RAP1GDS1: variants seen among roughly 807,000 people sequenced by gnomAD.
RAP1GDS1 encodes the protein RAP1, GTP-GDP dissociation stimulator 1.
In RAP1GDS1, 35 loss-of-function variants were observed where a neutral mutation model predicts 71.1. That is an observed-to-expected ratio of 0.49 (90% CI 0.38 to 0.65). The LOEUF (loss-of-function observed/expected upper bound fraction) is 0.65, where lower values mean the gene tolerates loss of function less well. Among genes scored for constraint, RAP1GDS1 ranks in the 30% least tolerant of loss-of-function variants. The pLI is 0.00. For synonymous variants in RAP1GDS1, 229 were observed against 243.1 expected (o/e 0.94, Z 0.54); for missense variants, 663 against 706.1 (o/e 0.94, Z 0.69).
chr4:98,290,071 C>T (rs562598934), intron 1 of RAP1GDS1, among the ~76,000 whole-genome samples: 1 of 152,190 alleles, frequency 6.6e-6, no homozygotes, highest in Non-Finnish European at 1.5e-5. Flanking sequence ...GTGTACTTGT[C>T]TCCTGTCGGT....
intron 2 of RAP1GDS1, among the ~76,000 whole-genome samples, chr4:98,297,555 A>G (rs1474899270): frequency 6.6e-6 from 1 of 152,004 alleles, no homozygotes; most frequent in Non-Finnish European, 1.5e-5. Context: ...ATGATCTTTG[A>G]TGTTACTATT....
At chr4:98,335,311 T>G (rs1734559104) in intron 2 of RAP1GDS1, among the ~76,000 whole-genome samples, 1 of 152,182 alleles carries the variant, frequency 6.6e-6, no homozygotes, top group South Asian at 2.1e-4. Context: ...CAGTCTCAGG[T>G]TGGTCATGCA....
chr4:98,340,298 A>G (rs1327381733), intron 2 of RAP1GDS1, among the ~76,000 whole-genome samples: 1 of 152,216 alleles, frequency 6.6e-6, no homozygotes, highest in Admixed American at 6.5e-5. Flanking sequence ...GATAAAGAAA[A>G]TGTGGTATAT....
At chr4:98,431,282 C>CA (rs1169322818) in intron 12 of RAP1GDS1, among the ~76,000 whole-genome samples, 1 of 152,108 alleles carries the variant, frequency 6.6e-6, no homozygotes, top group African/African-American at 2.4e-5. Flanking sequence ...TTAAGTGGCT[C>CA]ACCAACTCAA....
chr4:98,266,741 T>A (rs1012953374), intron 1 of RAP1GDS1, among the ~76,000 whole-genome samples: 3 of 152,302 alleles, frequency 2.0e-5, no homozygotes, highest in African/African-American at 7.2e-5. Flanking sequence ...TTCACTATCC[T>A]TGGTAGTCAT....
rs200898766 is a variant in RAP1GDS1, at chr4:98,414,619, C to A, written c.764-2126C>A. ...TACCATGCTGTTTTGGTTACTGTAG[C>A]CTTGTAGTATAGTTTGAAGTCAGGT... On this transcript the variant is annotated intron_variant, in intron 7 of 14. Transcript: ENST00000408927. Among the ~76,000 whole-genome samples the A allele has an allele frequency of 1.0e-4, 15 of 148,028 alleles. No homozygotes were observed. The East Asian group carries it at 2.4e-3, about 23-fold the overall frequency.
At chr4:98,354,055 C>CT (rs895411941) in intron 4 of RAP1GDS1, among the ~76,000 whole-genome samples, 2,262 of 134,926 alleles carry the variant, frequency 0.017, 39 homozygotes, top group African/African-American at 0.043. Flanking sequence ...CAAAAGTATT[C>CT]TTTTTTTTTT....
intron 1 of RAP1GDS1, among the ~76,000 whole-genome samples, chr4:98,287,336 T>C (rs1165064861): frequency 6.6e-6 from 1 of 152,228 alleles, no homozygotes; most frequent in Non-Finnish European, 1.5e-5. Context: ...TTTTGGGATT[T>C]AACCACTTGG....
At position 98,261,572 on chromosome 4, in the gene RAP1GDS1, A is replaced by G; in HGVS notation, c.4+3A>G. ...CTCACCCTCGGGGAGCAACATGGGT[A>G]AGTCATCCTTCCTCCGCCGTCATCG... On this transcript the variant is annotated splice_donor_region_variant and intron_variant, in intron 1 of 14. Transcript: ENST00000408927. 1 of 1,599,792 alleles carries G rather than the reference A, an allele frequency of 6.3e-7. No individual in the cohort carries two copies. The highest frequency in any genetic ancestry group is 8.5e-7 in the Non-Finnish European group (1 of 1,171,828).
intron 3 of RAP1GDS1, among the ~76,000 whole-genome samples, chr4:98,352,236 T>C (rs1452329742): frequency 1.3e-5 from 2 of 152,118 alleles, no homozygotes; most frequent in Non-Finnish European, 2.9e-5. Flanking sequence ...TGGTTTATGG[T>C]AGAGACTGTC....
rs561509613 is a variant in RAP1GDS1 at position 98,352,480 on chromosome 4, T to G, written c.240T>G (p.Phe80Leu). The change falls in exon 4 of 15, where the codon TTT becomes TTG. Residue 80 changes from phenylalanine (F) to leucine (L), a missense_variant. Physicochemically the swap from Phe to Leu is conservative, Grantham distance 22. Transcript: ENST00000408927. ...AAACATGTCTCTTATTTTCAGAGTTTATGCGAATTCCATGTGTGGATGCTG... is the reference window on the plus strand; with the variant it reads ...AAACATGTCTCTTATTTTCAGAGTTGATGCGAATTCCATGTGTGGATGCTG... ...NIIAEVAKNE[F>L]MRIPCVDAGL... 9.9e-6 allele frequency: 16 copies of G among 1,613,426 alleles called. No homozygotes were observed. The highest frequency in any genetic ancestry group is 8.3e-5 in the Admixed American group (5 of 59,978).
At chr4:98,409,628 AG>A (rs1746719242) in intron 7 of RAP1GDS1, 1 of 242,062 alleles carries the variant, frequency 4.1e-6, no homozygotes, top group South Asian at 5.9e-5. Flanking sequence ...GAAAAGAAAA[AG>A]AAGGGAGCCA....
At chr4:98,274,570 C>G (rs1723939252) in intron 1 of RAP1GDS1, among the ~76,000 whole-genome samples, 1 of 152,074 alleles carries the variant, frequency 6.6e-6, no homozygotes, top group Admixed American at 6.6e-5. Flanking sequence ...TTTTTCTGGT[C>G]TTCATTTATT....
At chr4:98,382,482 G>A (rs17027530) in intron 5 of RAP1GDS1, among the ~76,000 whole-genome samples, 11,557 of 151,528 alleles carry the variant, frequency 0.076, 489 homozygotes, top group Admixed American at 0.14. Context: ...CAGTTTGAGG[G>A]AATGTGTTGA....
intron 9 of RAP1GDS1, 38 bp from the exon 10 acceptor site, chr4:98,418,619 T>A (rs370198020): frequency 1.3e-5 from 20 of 1,555,876 alleles, no homozygotes; most frequent in Non-Finnish European, 1.7e-5. Flanking sequence ...TATAGATATT[T>A]TAAAGAGGAA....
intron 4 of RAP1GDS1, among the ~76,000 whole-genome samples, chr4:98,360,949 A>C (rs1014925244): frequency 2.0e-5 from 3 of 151,900 alleles, no homozygotes; most frequent in Non-Finnish European, 4.4e-5. Context: ...CTAGCCAGGC[A>C]TGGTGGCATA....
At chr4:98,340,680 C>T (rs543926335) in intron 2 of RAP1GDS1, among the ~76,000 whole-genome samples, 94 of 152,004 alleles carry the variant, frequency 6.2e-4, no homozygotes, top group Non-Finnish European at 1.1e-3. Context: ...ACCCAAGAGG[C>T]AGAGTTTGCA....
chr4:98,324,856 C>T (rs897036256), intron 2 of RAP1GDS1, among the ~76,000 whole-genome samples: 3 of 152,034 alleles, frequency 2.0e-5, no homozygotes, highest in Non-Finnish European at 4.4e-5. Context: ...AGTACATAAG[C>T]GTGGGCAAGG....
At chr4:98,319,450 G>A (rs144461760) in intron 2 of RAP1GDS1, among the ~76,000 whole-genome samples, 6 of 151,844 alleles carry the variant, frequency 4.0e-5, no homozygotes, top group Admixed American at 3.3e-4. Context: ...TCAGTCTCAT[G>A]TGTATTTTAA....
Sources: allele counts gnomAD v4.1 joint callset (sites outside exome capture counted in the v4.1 genomes callset), GRCh38; gene constraint gnomAD v4.1.1; transcripts MANE v1.5; gene names NCBI Gene and HGNC (gene_info 2026-07-23, HGNC 2026-07-21).